Variants in SMARCA4 observed in about 807,000 individuals in gnomAD.
The protein encoded by SMARCA4 is SWI/SNF-related matrix-associated actin-dependent regulator of chromatin subfamily A member 4.
In SMARCA4, 31 loss-of-function variants were observed where a neutral mutation model predicts 193.9. The observed-to-expected ratio is 0.16, with a 90% CI of 0.12 to 0.22. SMARCA4 has a LOEUF of 0.22. Ranked by LOEUF, SMARCA4 falls within the 10% of genes least tolerant of loss-of-function variation. SMARCA4 has a pLI of 1.00. For missense variants in SMARCA4, 1,148 were observed against 2,296.0 expected (o/e 0.50, Z 10.22); for synonymous variants, 942 against 933.1 (o/e 1.01, Z -0.17).
At chr19:11,015,786 C>T (rs537724600) in intron 16 of SMARCA4, among the ~76,000 whole-genome samples, 103 of 152,158 alleles carry the variant, frequency 6.8e-4, no homozygotes, top group African/African-American at 2.4e-3. Context: ...GCAGGCGGAT[C>T]ACCTGAGGTC....
chr19:10,988,666 C>T (rs1361318596), intron 6 of SMARCA4, among the ~76,000 whole-genome samples: 3 of 152,156 alleles, frequency 2.0e-5, no homozygotes, highest in South Asian at 2.1e-4. Flanking sequence ...TCATGGAGGC[C>T]CTTCCTGTCA....
intron 30 of SMARCA4, among the ~76,000 whole-genome samples, chr19:11,055,019 G>A (rs2076462624): frequency 6.6e-6 from 1 of 152,156 alleles, no homozygotes; most frequent in Non-Finnish European, 1.5e-5. Context: ...TAGAGGTGAG[G>A]GAGGCTCTCA....
At position 11,041,006 on chromosome 19, in the gene SMARCA4, A is replaced by G. The variant is rs1316260790; in HGVS notation, c.4171-301A>G. 4 of 363,140 alleles carry G rather than the reference A, an allele frequency of 1.1e-5. No homozygotes were observed. Among genetic ancestry groups the G allele is most frequent in the Non-Finnish European group, 2.0e-5 (4 of 200,306 alleles). 22.5% of individuals were successfully genotyped at this position (363,140 alleles called of 1,614,324 possible). A position where few individuals can be genotyped will look rare whatever the true frequency, so the allele number is the denominator to read the frequency against. ...CACCTCCGGGTGAAGGGATTTCAGGAGCACGTTCTTTTCTGTACAGAGAAG... is the reference window on the plus strand; with the variant it reads ...CACCTCCGGGTGAAGGGATTTCAGGGGCACGTTCTTTTCTGTACAGAGAAG... On this transcript the variant is annotated intron_variant, in intron 29 of 34. Transcript: ENST00000344626. This position sits in a 1 kb window ranked among gnomAD's most constrained non-coding sequence, Gnocchi z 5.6.
At chr19:11,036,311 C>T (rs750083467) in intron 29 of SMARCA4, among the ~76,000 whole-genome samples, 1 of 152,174 alleles carries the variant, frequency 6.6e-6, no homozygotes, top group Non-Finnish European at 1.5e-5. Flanking sequence ...TTAATAAAGA[C>T]AAAGTCTTGC....
At chr19:11,043,245 C>T (rs2075721635) in intron 30 of SMARCA4, among the ~76,000 whole-genome samples, 1 of 152,074 alleles carries the variant, frequency 6.6e-6, no homozygotes. Context: ...CCCAAGATCA[C>T]ATCAGTGCAC....
In SMARCA4 at chr19:11,041,250, C is replaced by A. The variant is rs914224502; in HGVS notation, c.4171-57C>A. The stretch of plus-strand genomic sequence containing the variant: ...CCCGGCCCCTGGGATTGCGTCGCGG[C>A]CTCTGCTTGTCGACCTGGGTGCTGG... On this transcript the variant is annotated intron_variant, in intron 29 of 34. Transcript: ENST00000344626. This position sits in a 1 kb window ranked among gnomAD's most constrained non-coding sequence, Gnocchi z 5.6. 1 of 1,558,688 alleles carries A rather than the reference C, an allele frequency of 6.4e-7. No individual in the cohort carries two copies. Among genetic ancestry groups the A allele is most frequent in the South Asian group, 1.2e-5 (1 of 86,682 alleles).
intron 30 of SMARCA4, among the ~76,000 whole-genome samples, chr19:11,045,332 G>A (rs2075841732): frequency 6.6e-6 from 1 of 151,736 alleles, no homozygotes; most frequent in Non-Finnish European, 1.5e-5. Flanking sequence ...AAAAAAAAGA[G>A]GGCCTACTGT....
intron 1 of SMARCA4, among the ~76,000 whole-genome samples, chr19:10,973,555 C>T (rs1403719932): frequency 6.6e-6 from 1 of 151,188 alleles, no homozygotes; most frequent in African/African-American, 2.4e-5. Flanking sequence ...CCCCCGCCAC[C>T]ACGCCCAGCT....
At chr19:11,043,284 G>A (rs191497169) in intron 30 of SMARCA4, among the ~76,000 whole-genome samples, 61 of 151,938 alleles carry the variant, frequency 4.0e-4, no homozygotes, top group African/African-American at 1.3e-3. Context: ...GTGAGACTCC[G>A]TCTCAAAAAG....
chr19:10,963,093 C>T (rs993781492), intron 1 of SMARCA4, among the ~76,000 whole-genome samples: 4 of 152,004 alleles, frequency 2.6e-5, no homozygotes, highest in African/African-American at 9.7e-5. Context: ...TGGTGCAGGG[C>T]CAGGTGCAGT....
At position 11,059,615 on chromosome 19, in the gene SMARCA4, C is replaced by T. The variant is rs77220116; in HGVS notation, c.4636-138C>T. 2.2e-3 allele frequency: 2,109 copies of T among 964,448 alleles called. 39 individuals are homozygous for T. The African/African-American group carries it at 0.03, about 14-fold the overall frequency. 59.7% of individuals were successfully genotyped at this position (964,448 alleles called of 1,614,324 possible). Reference sequence around the variant, plus strand: ...TTCCACCCTGGGTGGGCTGAAGCCCCGACCCGCTGAGGCTCGCATTGGCCA... The same window carrying T: ...TTCCACCCTGGGTGGGCTGAAGCCCTGACCCGCTGAGGCTCGCATTGGCCA... On this transcript the variant is annotated intron_variant, in intron 32 of 34. Coordinates refer to ENST00000344626, the MANE Select transcript of SMARCA4 (RefSeq NM_003072.5).
chr19:10,994,673 A>G (rs2086863572), intron 8 of SMARCA4, among the ~76,000 whole-genome samples, 155 bp from the exon 9 acceptor site: 1 of 151,654 alleles, frequency 6.6e-6, no homozygotes, highest in Admixed American at 6.6e-5. Flanking sequence ...GTTAGCCAGG[A>G]TGATCTCGAT....
intron 30 of SMARCA4, among the ~76,000 whole-genome samples, chr19:11,048,828 C>T (rs1024761131): frequency 2.0e-5 from 3 of 152,226 alleles, no homozygotes; most frequent in Non-Finnish European, 4.4e-5. Flanking sequence ...TCTGTGTTGA[C>T]CTCATCATAC....
intron 9 of SMARCA4, chr19:10,996,010 C>T (rs973035962): frequency 9.1e-6 from 6 of 657,056 alleles, no homozygotes; most frequent in Admixed American, 2.1e-5. Flanking sequence ...GTCTGCCTAG[C>T]GGGTGCCCTT....
In SMARCA4 at chr19:11,039,506, G is replaced by T. The variant is rs751103947; in HGVS notation, c.4171-1801G>T. ...TGACACAGCCAGCAGTGTGGCACGT[G>T]GGCTACAATTCCAGCGTGGCCTTCA... On this transcript the variant is annotated intron_variant, in intron 29 of 34. Transcript: ENST00000344626. The T allele has an allele frequency of 6.2e-7, 1 of 1,600,894 alleles. No individual in the cohort carries two copies. Among genetic ancestry groups the T allele is most frequent in the Non-Finnish European group, 8.5e-7 (1 of 1,175,508 alleles).
At chr19:10,989,521 T>C in intron 7 of SMARCA4, 78 bp downstream of exon 7, 1 of 1,557,614 alleles carries the variant, frequency 6.4e-7, no homozygotes, top group Non-Finnish European at 8.8e-7. Flanking sequence ...AAATACGGCT[T>C]GCCTGGCTAG....
intron 11 of SMARCA4, among the ~76,000 whole-genome samples, chr19:10,996,938 C>T (rs566617049): frequency 1.4e-3 from 206 of 152,192 alleles, no homozygotes; most frequent in African/African-American, 4.5e-3. Context: ...GCGGATGGCT[C>T]ACTGCAGCCT....
chr19:10,965,365 G>A (rs1234685011), intron 1 of SMARCA4: 1 of 152,190 alleles, frequency 6.6e-6, no homozygotes, highest in Non-Finnish European at 1.5e-5. Context: ...GCTTAGAATG[G>A]TGCCTGGCAC....
Position 10,986,783 on chromosome 19 carries a change from CT to C in SMARCA4, c.761-121del. On this transcript the variant is annotated intron_variant, in intron 4 of 34. Transcript: ENST00000344626. This position sits in a 1 kb window ranked among gnomAD's most constrained non-coding sequence, Gnocchi z 6.7. ...CTGCTTCCCCAGCTCCCCGCTTCCC[CT>C]GGGGCCGCTGGTTAATAGGTGTATC... The C allele has an allele frequency of 3.3e-6, 4 of 1,222,614 alleles. No homozygotes were observed. Among genetic ancestry groups the C allele is most frequent in the Non-Finnish European group, 4.7e-6 (4 of 847,598 alleles). 75.7% of individuals were successfully genotyped at this position (1,222,614 alleles called of 1,614,324 possible).
Sources: gnomAD v4.1 joint callset for allele counts (sites outside exome capture counted in the v4.1 genomes callset) on GRCh38, gnomAD v4.1.1 for gene constraint, Gnocchi (gnomAD v3.1) non-coding constraint, MANE v1.5 for transcripts, NCBI Gene and HGNC (gene_info 2026-07-23, HGNC 2026-07-21) for gene names.